Variants in AK9 observed in about 807,000 individuals in gnomAD.
AK9 encodes adenylate kinase domain containing 1.
Under a neutral mutation model 239.6 loss-of-function variants are expected in AK9, and 191 were observed. The observed-to-expected ratio is 0.80, with a 90% CI of 0.71 to 0.90. The LOEUF is 0.90. Among genes scored for constraint, AK9 ranks in the 40% least tolerant of loss-of-function variants. The pLI is 0.00. For missense variants in AK9, 1,995 were observed against 2,214.7 expected (o/e 0.90, Z 1.99); for synonymous variants, 689 against 721.0 (o/e 0.96, Z 0.71).
At chr6:109,624,681 C>T (rs1265954053) in intron 12 of AK9, among the ~76,000 whole-genome samples, 1 of 152,144 alleles carries the variant, frequency 6.6e-6, no homozygotes, top group African/African-American at 2.4e-5. Context: ...AGTGATGTCC[C>T]TTCGTGTAGG....
Position 109,550,572 on chromosome 6 carries a change from A to G in AK9, c.2752-270T>C, listed in dbSNP as rs1231267535. The G allele has an allele frequency of 1.2e-5, 3 of 255,454 alleles. No individual in the cohort carries two copies. In the East Asian group the frequency reaches 2.7e-4, roughly 23 times the overall value. The allele number at this position is 255,454 out of a possible 1,614,324, so 15.8% of individuals were successfully genotyped here. A position where few individuals can be genotyped will look rare whatever the true frequency, so the allele number is the denominator to read the frequency against. ...TCCAGTCCTCTACCAACAGAGATGT[A>G]ATGAAAAACTCCGGGATGTGTTGAT... On this transcript the variant is annotated intron_variant, in intron 24 of 40. Coordinates refer to ENST00000424296, the MANE Select transcript of AK9 (RefSeq NM_001145128.3).
chr6:109,582,546 A>G (rs1259081472), intron 19 of AK9, among the ~76,000 whole-genome samples: 2 of 152,236 alleles, frequency 1.3e-5, no homozygotes, highest in South Asian at 2.1e-4. Context: ...AAATTGCTGC[A>G]ATCTCATGAT....
At chr6:109,639,408 A>T (rs1797119263) in intron 10 of AK9, among the ~76,000 whole-genome samples, 1 of 152,208 alleles carries the variant, frequency 6.6e-6, no homozygotes. Flanking sequence ...ACCAGTGATG[A>T]TGAGCATTTT....
At chr6:109,543,214 G>A (rs971166650) in intron 26 of AK9, among the ~76,000 whole-genome samples, 1 of 152,092 alleles carries the variant, frequency 6.6e-6, no homozygotes, top group Non-Finnish European at 1.5e-5. Context: ...AAACATTTTT[G>A]TTGAGTACTT....
At chr6:109,551,082 T>A (rs1219871648) in intron 24 of AK9, among the ~76,000 whole-genome samples, 1 of 152,134 alleles carries the variant, frequency 6.6e-6, no homozygotes, top group Non-Finnish European at 1.5e-5. Flanking sequence ...ATAGTATTTT[T>A]AAAAATACAA....
chr6:109,615,263 T>TG lies in AK9; in HGVS notation c.1400-784_1400-783insC, dbSNP rs1404171612. Among the ~76,000 whole-genome samples the TG allele has an allele frequency of 2.0e-5, 3 of 151,694 alleles. No homozygotes were observed. The South Asian group carries it at 6.3e-4, about 32-fold the overall frequency. ...TTTTCCATCTGTTCCCTTGGCTTTT[T>TG]TTTTTTTTTGCCTTCTGCCTTCTAT... On this transcript the variant is annotated intron_variant, in intron 13 of 40. Coordinates refer to ENST00000424296, the MANE Select transcript of AK9 (RefSeq NM_001145128.3).
At chr6:109,578,631 T>C (rs1475410054) in intron 20 of AK9, among the ~76,000 whole-genome samples, 1 of 152,184 alleles carries the variant, frequency 6.6e-6, no homozygotes, top group African/African-American at 2.4e-5. Context: ...GGTGTGACCT[T>C]AGATTGTCTA....
At chr6:109,610,928 G>A (rs575600452) in intron 16 of AK9, among the ~76,000 whole-genome samples, 1 of 152,170 alleles carries the variant, frequency 6.6e-6, no homozygotes, top group Non-Finnish European at 1.5e-5. Flanking sequence ...ACAAGAGGTA[G>A]GCAAGTTGGA....
At chr6:109,656,173 T>A (rs1320058625) in intron 8 of AK9, among the ~76,000 whole-genome samples, 5 of 152,120 alleles carry the variant, frequency 3.3e-5, no homozygotes, top group Non-Finnish European at 5.9e-5. Flanking sequence ...TTTGGTAGAG[T>A]CTTACCTGGA....
chr6:109,666,923 GC>G (rs1285606695), intron 5 of AK9, among the ~76,000 whole-genome samples: 3 of 152,204 alleles, frequency 2.0e-5, no homozygotes, highest in Non-Finnish European at 1.5e-5. Context: ...GGCAGGGAAT[GC>G]CCAGACTGGG....
chr6:109,667,929 G>A (rs1011272048), intron 5 of AK9, among the ~76,000 whole-genome samples: 8 of 152,188 alleles, frequency 5.3e-5, no homozygotes, highest in East Asian at 1.9e-4. Context: ...GTAATGGGAT[G>A]GCTGGGTCAA....
At chr6:109,633,693 A>T (rs1259559263) in intron 10 of AK9, among the ~76,000 whole-genome samples, 1 of 152,218 alleles carries the variant, frequency 6.6e-6, no homozygotes, top group African/African-American at 2.4e-5. Flanking sequence ...CTTATTAAAA[A>T]TTTTGGAAAA....
Position 109,585,161 on chromosome 6 carries a change from T to C in AK9, c.2076A>G (p.Glu692=). Residue 692 remains glutamate, a synonymous_variant, in exon 19 of 41, where the codon GAA becomes GAG. Coordinates refer to ENST00000424296, the MANE Select transcript of AK9 (RefSeq NM_001145128.3). ...IDSKILERLL[E]ELQKKKKEEE... ...CTTCTTTTTTTTTCTTTTGTAGTTCTTCTAATAATCTTTCTAAAATCTTAG... is the reference window on the plus strand; with the variant it reads ...CTTCTTTTTTTTTCTTTTGTAGTTCCTCTAATAATCTTTCTAAAATCTTAG... The C allele has an allele frequency of 8.9e-7, 1 of 1,119,634 alleles. No homozygotes were observed. Among genetic ancestry groups the C allele is most frequent in the South Asian group, 1.9e-5 (1 of 52,822 alleles). The allele number at this position is 1,119,634 out of a possible 1,614,324, so 69.4% of individuals were successfully genotyped here.
chr6:109,610,317 C>T (rs1793420822), intron 17 of AK9, 48 bp downstream of exon 17: 1 of 1,522,778 alleles, frequency 6.6e-7, no homozygotes. Flanking sequence ...AACATTTTCT[C>T]AGTAATAGTT....
intron 8 of AK9, among the ~76,000 whole-genome samples, chr6:109,647,706 C>G (rs1798276246): frequency 6.6e-6 from 1 of 152,094 alleles, no homozygotes; most frequent in Non-Finnish European, 1.5e-5. Flanking sequence ...CAAGGATACC[C>G]AGGAATTGAA....
intron 32 of AK9, among the ~76,000 whole-genome samples, chr6:109,511,059 TG>T (rs1341136951): frequency 7.2e-4 from 96 of 132,830 alleles, no homozygotes; most frequent in African/African-American, 2.5e-3. Flanking sequence ...CAAATCTGCT[TG>T]TTTTTTTTTT....
Position 109,614,482 on chromosome 6 carries a change from TGAAATA to T in AK9, c.1400-8_1400-3del. ...GAAATTCTCTTAAAGCTGTTTCAGCTGAAATATAACAATGGGTGGTGTTAGCAAAAC... is the reference window on the plus strand; with the variant it reads ...GAAATTCTCTTAAAGCTGTTTCAGCTTAACAATGGGTGGTGTTAGCAAAAC... On this transcript the variant is annotated splice_polypyrimidine_tract_variant and splice_region_variant and intron_variant, in intron 13 of 40. Coordinates refer to ENST00000424296, the MANE Select transcript of AK9 (RefSeq NM_001145128.3). 1 of 1,550,642 alleles carries T rather than the reference TGAAATA, an allele frequency of 6.4e-7. No homozygotes were observed. The highest frequency in any genetic ancestry group is 1.4e-5 in the African/African-American group (1 of 73,110).
At position 109,656,740 on chromosome 6, in the gene AK9, T is replaced by C. The variant is rs1799746534; in HGVS notation, c.759+16A>G. The C allele has an allele frequency of 1.3e-6, 2 of 1,558,918 alleles. No individual in the cohort carries two copies. Among genetic ancestry groups the C allele is most frequent in the Non-Finnish European group, 1.8e-6 (2 of 1,139,820 alleles). ...AAATATCAATATTCATTTTCAGCAA[T>C]ATATTTTGTTCTTACTTCTAAAGTT... On this transcript the variant is annotated intron_variant, in intron 8 of 40. Transcript: ENST00000424296.
At chr6:109,543,604 C>A (rs139561360) in intron 26 of AK9, among the ~76,000 whole-genome samples, 5 of 152,000 alleles carry the variant, frequency 3.3e-5, no homozygotes, top group Admixed American at 3.3e-4. Flanking sequence ...TGTGTCACCA[C>A]GCCTGGCTAA....
Sources: allele counts gnomAD v4.1 joint callset (sites outside exome capture counted in the v4.1 genomes callset), GRCh38; gene constraint gnomAD v4.1.1; transcripts MANE v1.5; gene names NCBI Gene and HGNC (gene_info 2026-07-23, HGNC 2026-07-21).